Variants in NMNAT1 observed in about 807,000 individuals in gnomAD.
The protein encoded by NMNAT1 is nicotinamide nucleotide adenylyltransferase 1.
In NMNAT1, 11 loss-of-function variants were observed where a neutral mutation model predicts 16.7. The ratio of observed to expected loss-of-function variants is 0.66; its 90% CI spans 0.41 to 1.09. The LOEUF (loss-of-function observed/expected upper bound fraction) is 1.09. Ranked by LOEUF, NMNAT1 falls within the 50% of genes least tolerant of loss-of-function variation. The pLI, the probability that NMNAT1 is intolerant of heterozygous loss-of-function variation, is 0.00. For synonymous variants in NMNAT1, 110 were observed against 119.8 expected (o/e 0.92, Z 0.53); for missense variants, 280 against 332.3 (o/e 0.84, Z 1.22).
rs140507382 is a variant in NMNAT1, at chr1:9,964,714, C to T, written c.-56-7304C>T. 4.2e-3 allele frequency among the ~76,000 whole-genome samples: 633 copies of T among 151,792 alleles called. 7 individuals are homozygous for T. Among genetic ancestry groups the T allele is most frequent in the African/African-American group, 0.014 (597 of 41,412 alleles). On this transcript the variant is annotated intron_variant, in intron 1 of 4. Transcript: ENST00000377205. ...CTCTAATTCCAGCATTTTGGGAAGC[C>T]GAGGCAGGCGGATCATGAGGTCAGG... is the stretch of plus-strand genomic sequence containing the variant.
chr1:9,949,588 G>GTATATATATATATATGTATGTGTA (rs200121415), intron 1 of NMNAT1: 1 of 149,530 alleles, frequency 6.7e-6, no homozygotes, highest in Non-Finnish European at 1.5e-5. Flanking sequence ...TTTTGTGTGT[G>GTATATATATATATATGTATGTGTA]TATATATATA....
intron 2 of NMNAT1, among the ~76,000 whole-genome samples, chr1:9,972,886 G>A (rs1641720267): frequency 6.6e-6 from 1 of 152,088 alleles, no homozygotes; most frequent in African/African-American, 2.4e-5. Context: ...GCTTGAGCCC[G>A]GGAGGTCTAG....
the NMNAT1 span, among the ~76,000 whole-genome samples, chr1:9,990,828 C>A: frequency 6.6e-6 from 1 of 152,190 alleles, no homozygotes; most frequent in Non-Finnish European, 1.5e-5. Flanking sequence ...GTTTACTTTG[C>A]CAGCACCAAA....
chr1:9,989,439 T>C (rs772248689), downstream of NMNAT1, among the ~76,000 whole-genome samples: 9 of 151,318 alleles, frequency 5.9e-5, no homozygotes, highest in African/African-American at 1.9e-4. Flanking sequence ...GCCTAGGTGA[T>C]AGAGCAAAAC....
rs1358178366 is a variant in NMNAT1 at position 9,982,843 on chromosome 1, C to T, written c.*142C>T. ...TAAAAATCGTCTGGGCACAGTGGCT[C>T]ACGCCTGTAATCCCAGCACTTTGGG... On this transcript the variant is annotated 3_prime_UTR_variant, in exon 5 of 5. Coordinates refer to ENST00000377205, the MANE Select transcript of NMNAT1 (RefSeq NM_022787.4). The T allele has an allele frequency of 1.2e-6, 1 of 847,996 alleles. No individual in the cohort carries two copies. Among genetic ancestry groups the T allele is most frequent in the Non-Finnish European group, 1.8e-6 (1 of 563,164 alleles). 52.5% of individuals were successfully genotyped at this position (847,996 alleles called of 1,614,324 possible).
chr1:9,974,169 A>G (rs1374659464), intron 2 of NMNAT1, among the ~76,000 whole-genome samples: 1 of 149,066 alleles, frequency 6.7e-6, no homozygotes, highest in Admixed American at 6.8e-5. Flanking sequence ...GTATCCTTCC[A>G]CTCTTCTTTG....
chr1:9,946,844 A>G (rs965761347), intron 1 of NMNAT1, among the ~76,000 whole-genome samples: 1 of 152,208 alleles, frequency 6.6e-6, no homozygotes, highest in Non-Finnish European at 1.5e-5. Flanking sequence ...GAAGGTGGCC[A>G]TGTACAAGAC....
chr1:9,970,808 T>C (rs1231345781), intron 1 of NMNAT1, among the ~76,000 whole-genome samples: 2 of 152,180 alleles, frequency 1.3e-5, no homozygotes, highest in Non-Finnish European at 2.9e-5. Flanking sequence ...GTAAATTATA[T>C]TCTATTATTT....
At chr1:9,964,681 G>A (rs1641500564) in intron 1 of NMNAT1, among the ~76,000 whole-genome samples, 1 of 152,024 alleles carries the variant, frequency 6.6e-6, no homozygotes, top group Non-Finnish European at 1.5e-5. Flanking sequence ...AGGCACGGTG[G>A]CTCATGCCTC....
chr1:9,950,583 G>T (rs1641085315), intron 1 of NMNAT1: 1 of 152,296 alleles, frequency 6.6e-6, no homozygotes, highest in Admixed American at 6.6e-5. Flanking sequence ...CAGACTGTTG[G>T]GTTAGCATCT....
intron 1 of NMNAT1, among the ~76,000 whole-genome samples, chr1:9,950,267 T>C (rs1641077148): frequency 6.6e-6 from 1 of 152,134 alleles, no homozygotes; most frequent in Admixed American, 6.6e-5. Flanking sequence ...ATTTTTGTAT[T>C]TTTAGTAGTG....
At chr1:9,974,388 T>TA (rs1641760225) in intron 2 of NMNAT1, among the ~76,000 whole-genome samples, 2 of 56,496 alleles carry the variant, frequency 3.5e-5, no homozygotes, top group South Asian at 2.2e-3. Context: ...CACATCTGGC[T>TA]AATTTTTTTT....
chr1:9,966,008 G>T (rs1570696417), intron 1 of NMNAT1, among the ~76,000 whole-genome samples: 1 of 151,650 alleles, frequency 6.6e-6, no homozygotes, highest in East Asian at 2.0e-4. Context: ...ATTTTATTCA[G>T]AAGTATTTGG....
intron 1 of NMNAT1, among the ~76,000 whole-genome samples, chr1:9,951,477 G>GTTTGT (rs1553124461): frequency 6.6e-6 from 1 of 151,158 alleles, no homozygotes; most frequent in South Asian, 2.1e-4. Context: ...TGTTGTTGTT[G>GTTTGT]TTGTTTGTTT....
At chr1:9,961,495 G>T (rs770032188) in intron 1 of NMNAT1, among the ~76,000 whole-genome samples, 5 of 152,042 alleles carry the variant, frequency 3.3e-5, no homozygotes, top group Admixed American at 1.3e-4. Context: ...TGGGCATGTC[G>T]CATTCATCAC....
At chr1:9,975,510 A>G in intron 2 of NMNAT1, 82 bp from the exon 3 acceptor site, 1 of 1,187,904 alleles carries the variant, frequency 8.4e-7, no homozygotes, top group South Asian at 1.5e-5. Context: ...AACAAAACAA[A>G]ACAAATAATA....
chr1:9,978,045 C>A (rs1365360006), intron 3 of NMNAT1, among the ~76,000 whole-genome samples: 1 of 151,940 alleles, frequency 6.6e-6, no homozygotes, highest in African/African-American at 2.4e-5. Flanking sequence ...GAAAGGATTA[C>A]TGGCTATAAA....
chr1:9,978,078 C>T (rs755886217), intron 3 of NMNAT1, among the ~76,000 whole-genome samples: 9 of 152,030 alleles, frequency 5.9e-5, no homozygotes, highest in Non-Finnish European at 1.2e-4. Context: ...AGGATCAGGC[C>T]GGGCATGGTG....
intron 1 of NMNAT1, among the ~76,000 whole-genome samples, chr1:9,966,400 G>A: frequency 6.6e-6 from 1 of 151,982 alleles, no homozygotes; most frequent in Admixed American, 6.6e-5. Context: ...ATCACCTGAG[G>A]TCAGGAGTTC....
Sources: gnomAD v4.1 joint callset for allele counts (sites outside exome capture counted in the v4.1 genomes callset) on GRCh38, gnomAD v4.1.1 for gene constraint, MANE v1.5 for transcripts, NCBI Gene and HGNC (gene_info 2026-07-23, HGNC 2026-07-21) for gene names.